The following TNR variants were observed in gnomAD, a reference collection of about 807,000 sequenced individuals.
TNR encodes tenascin R, also known as tenascin-R.
Under a neutral mutation model 150.4 loss-of-function variants are expected in TNR, and 45 were observed. The ratio of observed to expected loss-of-function variants is 0.30; its 90% CI spans 0.24 to 0.38. The LOEUF is 0.38. Ranked by LOEUF, TNR falls within the 10% of genes least tolerant of loss-of-function variation. The pLI, the probability that TNR is intolerant of heterozygous loss-of-function variation, is 1.00. For synonymous variants in TNR, 687 were observed against 678.4 expected, an observed-to-expected ratio of 1.01 and a Z score of -0.20; for missense variants, 1,544 against 1,759.1, an observed-to-expected ratio of 0.88 and a Z score of 2.19.
intron 2 of TNR, among the ~76,000 whole-genome samples, chr1:175,496,447 G>A (rs1397118433): frequency 6.6e-6 from 1 of 152,160 alleles, no homozygotes; most frequent in South Asian, 2.1e-4. Context: ...TACTCTTCTT[G>A]GTGACTCGGG....
chr1:175,561,540 A>G (rs933515156), intron 1 of TNR, among the ~76,000 whole-genome samples: 4 of 152,172 alleles, frequency 2.6e-5, no homozygotes, highest in African/African-American at 9.7e-5. Context: ...AGCCTCCTTG[A>G]GCTCTTTGGC....
chr1:175,696,194 G>A (rs1156338703), intron 1 of TNR, among the ~76,000 whole-genome samples: 4 of 142,640 alleles, frequency 2.8e-5, no homozygotes, highest in African/African-American at 5.2e-5. Context: ...CTCATTTTAT[G>A]CCATTAAATG....
Position 175,712,701 on chromosome 1 carries a change from C to CCT in TNR, c.-165+30523_-165+30524dup, listed in dbSNP as rs543581750. On this transcript the variant is annotated intron_variant, in intron 1 of 22. Transcript: ENST00000367674. ...TCTGAGTTCACATGAGATCACCCAC[C>CCT]CTCTCTCTCTTGCTTCTGCTCTGCC... Among the ~76,000 whole-genome samples the CCT allele has an allele frequency of 8.2e-4, 124 of 151,872 alleles. No homozygotes were observed. In the East Asian group the frequency reaches 0.021, roughly 25 times the overall value.
At chr1:175,632,838 T>A (rs748798619) in intron 1 of TNR, among the ~76,000 whole-genome samples, 2 of 152,136 alleles carry the variant, frequency 1.3e-5, no homozygotes, top group African/African-American at 2.4e-5. Context: ...GCATCTGGTA[T>A]CCATGACTCA....
In TNR at chr1:175,467,630, G is replaced by A. The variant is rs148146246; in HGVS notation, c.-64+60639C>T. ...GAGTCTTGAGGCCACCTGGACCCAGGGGCTAGAAAGTGTAGCTGACATGCT... is the reference window on the plus strand; with the variant it reads ...GAGTCTTGAGGCCACCTGGACCCAGAGGCTAGAAAGTGTAGCTGACATGCT... On this transcript the variant is annotated intron_variant, in intron 2 of 22. Transcript: ENST00000367674. 1.9e-3 allele frequency among the ~76,000 whole-genome samples: 285 copies of A among 152,230 alleles called. 1 individual carries two copies. Among genetic ancestry groups the A allele is most frequent in the African/African-American group, 6.3e-3 (261 of 41,530 alleles).
chr1:175,635,529 G>A (rs1224320511), intron 1 of TNR, among the ~76,000 whole-genome samples: 1 of 152,190 alleles, frequency 6.6e-6, no homozygotes, highest in African/African-American at 2.4e-5. Flanking sequence ...GAAGTAGCAA[G>A]GAGGTAATTA....
intron 1 of TNR, among the ~76,000 whole-genome samples, chr1:175,675,815 C>A (rs942109547): frequency 1.3e-5 from 2 of 152,124 alleles, no homozygotes; most frequent in Non-Finnish European, 2.9e-5. Context: ...TGGCAGGTAG[C>A]TCCATGTACA....
At chr1:175,469,980 T>C (rs1241586039) in intron 2 of TNR, among the ~76,000 whole-genome samples, 3 of 151,994 alleles carry the variant, frequency 2.0e-5, no homozygotes, top group Non-Finnish European at 2.9e-5. Context: ...AAACATGTAA[T>C]GATGATCACT....
At chr1:175,529,953 C>T (rs1660000144) in intron 1 of TNR, among the ~76,000 whole-genome samples, 1 of 152,128 alleles carries the variant, frequency 6.6e-6, no homozygotes, top group African/African-American at 2.4e-5. Flanking sequence ...CCTATTTCTC[C>T]AACTAGATGT....
At chr1:175,721,332 T>C (rs1397483371) in intron 1 of TNR, among the ~76,000 whole-genome samples, 1 of 152,238 alleles carries the variant, frequency 6.6e-6, no homozygotes, top group Non-Finnish European at 1.5e-5. Context: ...AGTTAGAGTG[T>C]AAGCTCTTTG....
rs377539705 is a variant in TNR, at chr1:175,396,484, T to A, written c.1240+60A>T. Reference sequence around the variant, plus strand: ...TAAGAAAAGACGCTACTATCATGAATGCCCATGATCTCATGTAGGAGAAAA... The same window carrying A: ...TAAGAAAAGACGCTACTATCATGAAAGCCCATGATCTCATGTAGGAGAAAA... On this transcript the variant is annotated intron_variant, in intron 5 of 22. Transcript: ENST00000367674. 623 of 1,557,182 alleles carry A rather than the reference T, an allele frequency of 4.0e-4. 4 individuals carry two copies. The highest frequency in any genetic ancestry group is 2.1e-3 in the Middle Eastern group (12 of 5,820).
intron 1 of TNR, among the ~76,000 whole-genome samples, chr1:175,706,628 G>A (rs552749500): frequency 6.6e-6 from 1 of 151,988 alleles, no homozygotes; most frequent in Non-Finnish European, 1.5e-5. Context: ...ATCTCCCGAG[G>A]GAACCACCTT....
At chr1:175,326,905 A>G (rs1649429720) in intron 21 of TNR, among the ~76,000 whole-genome samples, 1 of 151,398 alleles carries the variant, frequency 6.6e-6, no homozygotes, top group South Asian at 2.1e-4. Context: ...TGACCTCATG[A>G]TCTGCCCGCC....
intron 1 of TNR, among the ~76,000 whole-genome samples, chr1:175,731,916 A>G (rs1667651034): frequency 6.6e-6 from 1 of 152,192 alleles, no homozygotes; most frequent in African/African-American, 2.4e-5. Context: ...GCCTCTTGGC[A>G]TGGTTTGCTG....
chr1:175,716,289 G>C (rs532364119), intron 1 of TNR, among the ~76,000 whole-genome samples: 1 of 152,240 alleles, frequency 6.6e-6, no homozygotes, highest in South Asian at 2.1e-4. Context: ...CACTTGACTT[G>C]CTGGGCATTC....
intron 1 of TNR, among the ~76,000 whole-genome samples, chr1:175,700,615 A>C (rs1666663566): frequency 6.6e-6 from 1 of 152,082 alleles, no homozygotes. Context: ...TCCAGCCTCC[A>C]CTGTTAAAAC....
Position 175,364,592 on chromosome 1 carries a change from G to C in TNR, c.2587+418C>G, listed in dbSNP as rs141951566. Among the ~76,000 whole-genome samples the C allele has an allele frequency of 2.3e-3, 353 of 152,322 alleles. 3 individuals carry two copies. The highest frequency in any genetic ancestry group is 7.9e-3 in the African/African-American group (329 of 41,592). Reference sequence around the variant, plus strand: ...CAGGTCACTACCTGATTGCATGCTAGTCCCATGTGAGACTAAGGAAGCATT... The same window carrying C: ...CAGGTCACTACCTGATTGCATGCTACTCCCATGTGAGACTAAGGAAGCATT... On this transcript the variant is annotated intron_variant, in intron 12 of 22. Transcript: ENST00000367674.
chr1:175,550,767 C>A (rs1459577362), intron 1 of TNR, among the ~76,000 whole-genome samples: 1 of 150,594 alleles, frequency 6.6e-6, no homozygotes. Context: ...TCAGAAAATG[C>A]AGGGAACAGG....
At chr1:175,409,656 G>C (rs969664493) in intron 2 of TNR, among the ~76,000 whole-genome samples, 1 of 152,060 alleles carries the variant, frequency 6.6e-6, no homozygotes, top group South Asian at 2.1e-4. Flanking sequence ...ACTGATTATT[G>C]ATCACTTCTA....
Sources: gnomAD v4.1 joint callset for allele counts (sites outside exome capture counted in the v4.1 genomes callset) on GRCh38, gnomAD v4.1.1 for gene constraint, MANE v1.5 for transcripts, NCBI Gene and HGNC (gene_info 2026-07-23, HGNC 2026-07-21) for gene names.